MACROD2: variants seen among roughly 807,000 people sequenced by gnomAD.
MACROD2 encodes the protein ADP-ribose glycohydrolase MACROD2.
A neutral mutation model predicts 70.4 loss-of-function variants in MACROD2; 36 were observed. The observed-to-expected ratio is 0.51, with a 90% CI of 0.39 to 0.68. The LOEUF (loss-of-function observed/expected upper bound fraction) is 0.68, where lower values mean the gene tolerates loss of function less well. Among genes scored for constraint, MACROD2 ranks in the 30% least tolerant of loss-of-function variants. MACROD2 has a pLI of 0.00. For synonymous variants in MACROD2, 172 were observed against 178.8 expected, an observed-to-expected ratio of 0.96 and a Z score of 0.30; for missense variants, 496 against 538.4, an observed-to-expected ratio of 0.92 and a Z score of 0.78.
At chr20:14,484,660 TAGCTC>T (rs1373576343) in intron 3 of MACROD2, among the ~76,000 whole-genome samples, 1 of 152,208 alleles carries the variant, frequency 6.6e-6, no homozygotes, top group Non-Finnish European at 1.5e-5. Context: ...TTTTAATTTT[TAGCTC>T]CCACAAATAA....
intron 4 of MACROD2, among the ~76,000 whole-genome samples, chr20:14,670,688 C>G (rs868279139): frequency 6.6e-6 from 1 of 152,166 alleles, no homozygotes; most frequent in South Asian, 2.1e-4. Context: ...TAGTGACTTA[C>G]ACAAAACACA....
chr20:15,035,449 A>G (rs2075305699), intron 5 of MACROD2, among the ~76,000 whole-genome samples: 1 of 150,128 alleles, frequency 6.7e-6, no homozygotes, highest in African/African-American at 2.5e-5. Context: ...TGTAGGTAAA[A>G]AATTGTAGTC....
chr20:14,795,685 G>C (rs1240200338), intron 5 of MACROD2, among the ~76,000 whole-genome samples: 1 of 152,118 alleles, frequency 6.6e-6, no homozygotes, highest in African/African-American at 2.4e-5. Context: ...ATAGGAATTA[G>C]TAAGTTATTT....
At chr20:15,179,714 T>A (rs1471458735) in intron 5 of MACROD2, among the ~76,000 whole-genome samples, 1 of 152,316 alleles carries the variant, frequency 6.6e-6, no homozygotes, top group East Asian at 1.9e-4. Context: ...CTCCTACCTA[T>A]GAATTACAGC....
At chr20:14,452,778 A>AT (rs1407058767) in intron 3 of MACROD2, among the ~76,000 whole-genome samples, 2 of 152,124 alleles carry the variant, frequency 1.3e-5, no homozygotes, top group South Asian at 2.1e-4. Flanking sequence ...TCAAATGTGG[A>AT]TTTTTTGCAT....
intron 7 of MACROD2, among the ~76,000 whole-genome samples, chr20:15,490,937 ATACAG>A (rs1165408142): frequency 6.6e-6 from 1 of 152,224 alleles, no homozygotes; most frequent in East Asian, 1.9e-4. Context: ...CTTTCCCTCA[ATACAG>A]TAAAGTCCAA....
At chr20:15,913,733 C>T (rs768421668) in intron 10 of MACROD2, among the ~76,000 whole-genome samples, 21 of 152,198 alleles carry the variant, frequency 1.4e-4, no homozygotes, top group Non-Finnish European at 2.5e-4. Context: ...AAAATTTCAA[C>T]TCTGGTCAAA....
chr20:15,684,295 A>G (rs1213989933), intron 8 of MACROD2, among the ~76,000 whole-genome samples: 3 of 152,198 alleles, frequency 2.0e-5, no homozygotes, highest in Non-Finnish European at 4.4e-5. Context: ...GGGTCTAGAG[A>G]AAATCTCAGA....
At chr20:14,638,650 G>A (rs1324939562) in intron 4 of MACROD2, among the ~76,000 whole-genome samples, 1 of 152,128 alleles carries the variant, frequency 6.6e-6, no homozygotes, top group Non-Finnish European at 1.5e-5. Flanking sequence ...TGAGGTTGTT[G>A]TAAGAATTAA....
intron 6 of MACROD2, among the ~76,000 whole-genome samples, chr20:15,340,126 C>CTTTTTTTTTTTTTTTTTTTTTT (rs1372227059): frequency 3.3e-5 from 3 of 91,842 alleles, no homozygotes; most frequent in Non-Finnish European, 4.4e-5. Context: ...TTCTTTCTTT[C>CTTTTTTTTTTTTTTTTTTTTTT]TTTCTTTTTT....
At chr20:15,903,448 A>G (rs913960678) in intron 10 of MACROD2, among the ~76,000 whole-genome samples, 3 of 152,148 alleles carry the variant, frequency 2.0e-5, no homozygotes, top group African/African-American at 7.2e-5. Context: ...GAGGAGAGTA[A>G]CTGGAGAGGT....
At chr20:14,091,036 G>T (rs766600403) in intron 3 of MACROD2, among the ~76,000 whole-genome samples, 1 of 152,038 alleles carries the variant, frequency 6.6e-6, no homozygotes. Context: ...TTGGTCATTT[G>T]TGTGTCTTCT....
intron 5 of MACROD2, among the ~76,000 whole-genome samples, chr20:14,852,946 A>C (rs1162925780): frequency 6.6e-6 from 1 of 152,130 alleles, no homozygotes; most frequent in Non-Finnish European, 1.5e-5. Context: ...AAGAAACATA[A>C]TCTCTTTGGG....
chr20:15,572,019 G>A (rs1052448328), intron 8 of MACROD2, among the ~76,000 whole-genome samples: 1 of 152,010 alleles, frequency 6.6e-6, no homozygotes, highest in African/African-American at 2.4e-5. Context: ...GGAATCAAAG[G>A]GCCAACTTTG....
chr20:14,645,325 G>T (rs1171211770), intron 4 of MACROD2, among the ~76,000 whole-genome samples: 1 of 152,110 alleles, frequency 6.6e-6, no homozygotes, highest in Middle Eastern at 3.4e-3. Flanking sequence ...ATATATTCTA[G>T]TCAGCCTTTT....
At chr20:14,372,490 A>G (rs940790802) in intron 3 of MACROD2, among the ~76,000 whole-genome samples, 1 of 152,134 alleles carries the variant, frequency 6.6e-6, no homozygotes, top group Non-Finnish European at 1.5e-5. Flanking sequence ...TTTTAGTGGT[A>G]TATTTTTGGT....
chr20:15,543,658 A>G (rs556307703), intron 8 of MACROD2, among the ~76,000 whole-genome samples: 20 of 152,312 alleles, frequency 1.3e-4, no homozygotes, highest in Non-Finnish European at 2.4e-4. Context: ...GGCTTAAAAC[A>G]GTAAGCACTT....
intron 8 of MACROD2, among the ~76,000 whole-genome samples, chr20:15,528,726 T>G (rs1436140157): frequency 3.4e-5 from 3 of 87,686 alleles, no homozygotes; most frequent in South Asian, 3.0e-4. Flanking sequence ...GTTATGTGGT[T>G]TTTTTTTTTT....
At chr20:14,104,700 T>A (rs1159834678) in intron 3 of MACROD2, among the ~76,000 whole-genome samples, 1 of 152,194 alleles carries the variant, frequency 6.6e-6, no homozygotes. Context: ...GCCAGAGCAC[T>A]TCTCCCTTTG....
Sources: allele counts gnomAD v4.1 joint callset (sites outside exome capture counted in the v4.1 genomes callset), GRCh38; gene constraint gnomAD v4.1.1; transcripts MANE v1.5; gene names NCBI Gene and HGNC (gene_info 2026-07-23, HGNC 2026-07-21).